PRR5: variants seen among roughly 807,000 people sequenced by gnomAD.
PRR5 encodes the protein proline rich 5, also known as proline-rich protein 5.
PRR5 carries 25 observed loss-of-function variants against 30.6 expected under a neutral mutation model. The observed-to-expected ratio is 0.82, with a 90% CI of 0.60 to 1.14. The LOEUF (loss-of-function observed/expected upper bound fraction) is 1.14. Ranked by LOEUF, PRR5 falls within the 50% of genes most tolerant of loss-of-function variation. The pLI is 0.00. For synonymous variants in PRR5, 286 were observed against 247.1 expected, an observed-to-expected ratio of 1.16 and a Z score of -1.48; for missense variants, 600 against 547.1, an observed-to-expected ratio of 1.10 and a Z score of -0.96.
chr22:44,703,555 T>G (rs1341873235), intron 1 of PRR5, among the ~76,000 whole-genome samples: 2 of 152,196 alleles, frequency 1.3e-5, no homozygotes, highest in African/African-American at 4.8e-5. Flanking sequence ...TGGTCTCTTC[T>G]GTCTCTGAGT....
chr22:44,689,444 C>G (rs572468302), intron 1 of PRR5, among the ~76,000 whole-genome samples: 42 of 152,358 alleles, frequency 2.8e-4, no homozygotes, highest in African/African-American at 9.4e-4. Context: ...GTGGGAACCA[C>G]AGCTACGAGA....
At chr22:44,736,650 C>T (rs1450300930) in intron 7 of PRR5, 122 bp from the exon 8 acceptor site, 18 of 1,448,446 alleles carry the variant, frequency 1.2e-5, no homozygotes, top group South Asian at 4.7e-5. Context: ...AGCCGGGCCC[C>T]GGGTCGGGCC....
chr22:44,684,488 A>C (rs1366223063), intron 1 of PRR5, among the ~76,000 whole-genome samples: 2 of 152,194 alleles, frequency 1.3e-5, no homozygotes. Context: ...TGGAGGTTGC[A>C]GTGAGCCGAG....
chr22:44,710,624 G>T (rs1384214343), intron 1 of PRR5, among the ~76,000 whole-genome samples: 2 of 150,666 alleles, frequency 1.3e-5, no homozygotes, highest in Admixed American at 6.8e-5. Context: ...TGAGTGGCCC[G>T]CAGCGAGGCT....
At chr22:44,710,035 C>CT (rs1022758610) in intron 1 of PRR5, among the ~76,000 whole-genome samples, 1 of 152,204 alleles carries the variant, frequency 6.6e-6, no homozygotes, top group African/African-American at 2.4e-5. Context: ...CCGCCCCTCC[C>CT]AACCCGGCCT....
At position 44,693,224 on chromosome 22, in the gene PRR5, G is replaced by A. The variant is rs180965975; in HGVS notation, c.-10-9268G>A. ...AAAGTCTGAAATCAAGGTGTCCTGG[G>A]AGGCCAAGGTGGTTGGGTTGCTTGA... On this transcript the variant is annotated intron_variant, in intron 1 of 8. Transcript: ENST00000006251. Among the ~76,000 whole-genome samples the A allele has an allele frequency of 3.4e-3, 513 of 152,248 alleles. 3 individuals are homozygous for A. The highest frequency in any genetic ancestry group is 3.4e-3 in the Middle Eastern group (1 of 294).
intron 1 of PRR5, among the ~76,000 whole-genome samples, chr22:44,682,616 G>A (rs9626518): frequency 0.09 from 13,680 of 152,198 alleles, 768 homozygotes; most frequent in East Asian, 0.27. Flanking sequence ...ATTTGAATCC[G>A]GCACTTAGCT....
At chr22:44,710,292 C>A (rs938347576) in intron 1 of PRR5, among the ~76,000 whole-genome samples, 5 of 148,406 alleles carry the variant, frequency 3.4e-5, no homozygotes, top group African/African-American at 5.0e-5. Flanking sequence ...TGCACCCCCC[C>A]CCCAGCGCTC....
intron 5 of PRR5, 132 bp from the exon 6 acceptor site, chr22:44,732,119 T>G (rs550106416): frequency 9.9e-6 from 14 of 1,419,366 alleles, no homozygotes; most frequent in Non-Finnish European, 1.3e-5. Context: ...GACGGGGTCA[T>G]CTGAGGAGAA....
At chr22:44,696,881 T>C (rs1925803204) in intron 1 of PRR5, among the ~76,000 whole-genome samples, 1 of 151,998 alleles carries the variant, frequency 6.6e-6, no homozygotes, top group African/African-American at 2.4e-5. Context: ...GGACTACAGG[T>C]GTGCACCACC....
chr22:44,736,678 T>C (rs574764874), intron 7 of PRR5, 94 bp from the exon 8 acceptor site: 2 of 1,480,648 alleles, frequency 1.4e-6, no homozygotes, highest in East Asian at 4.6e-5. Flanking sequence ...CAGCTGCCCC[T>C]GCACAGGGAC....
At chr22:44,712,368 C>T (rs1167579469) in intron 1 of PRR5, among the ~76,000 whole-genome samples, 3 of 152,200 alleles carry the variant, frequency 2.0e-5, no homozygotes, top group African/African-American at 7.2e-5. Context: ...TGGAACCTGG[C>T]ACAGCCCCCA....
At position 44,736,799 on chromosome 22, in the gene PRR5, C is replaced by G. The variant is rs1407400041; in HGVS notation, c.719C>G (p.Ser240Trp). 6.4e-7 allele frequency: 1 copy of G among 1,566,316 alleles called. No homozygotes were observed. Among genetic ancestry groups the G allele is most frequent in the Admixed American group, 1.8e-5 (1 of 56,202 alleles). Reference sequence around the variant, plus strand: ...AAGCGCCTCCTCCGCCGCTCCCGCTCGGGGGACGTGCTGGCCAAGAACCCT... The same window carrying G: ...AAGCGCCTCCTCCGCCGCTCCCGCTGGGGGGACGTGCTGGCCAAGAACCCT... The part of the protein sequence containing the change: ...LEKRLLRRSR[S>W]GDVLAKNPVV... The change falls in exon 8 of 8, where the codon TCG (serine) becomes TGG (tryptophan). Residue 240 changes from serine (S) to tryptophan (W), a missense_variant. Ser to Trp is a radical substitution (Grantham distance 177, BLOSUM62 -3). Transcript: ENST00000336985.
At chr22:44,670,718 G>A (rs1472349893) in intron 1 of PRR5, among the ~76,000 whole-genome samples, 1 of 152,204 alleles carries the variant, frequency 6.6e-6, no homozygotes, top group African/African-American at 2.4e-5. Flanking sequence ...CTAAGGGATG[G>A]CTTAAAAGGC....
chr22:44,736,851 G>A lies in PRR5; in HGVS notation c.771G>A (p.Thr257=), dbSNP rs145508795. The A allele has an allele frequency of 1.4e-4, 222 of 1,605,966 alleles. 1 individual carries two copies. Among genetic ancestry groups the A allele is most frequent in the Middle Eastern group, 1.0e-3 (6 of 5,860 alleles). The change falls in exon 8 of 8, where the codon ACG becomes ACA. Residue 257 remains threonine, a synonymous_variant. Transcript: ENST00000336985. The part of the protein sequence containing the change: ...NPVVRSKSYN[T]PLLNPVQEHE... ...TGGTGCGCTCCAAGAGCTACAACAC[G>A]CCTCTGCTGAACCCCGTGCAGGAGC...
upstream of PRR5, among the ~76,000 whole-genome samples, chr22:44,697,344 CTG>C (rs1186189624): frequency 3.9e-5 from 6 of 152,130 alleles, no homozygotes; most frequent in African/African-American, 1.4e-4. Context: ...GCCCCTGTGA[CTG>C]TGTGTGGATT....
At chr22:44,686,583 C>T (rs969047672) in intron 1 of PRR5, among the ~76,000 whole-genome samples, 2 of 151,984 alleles carry the variant, frequency 1.3e-5, no homozygotes, top group East Asian at 3.9e-4. Context: ...TCGATCTTGG[C>T]TCACTCACTG....
intron 6 of PRR5, 149 bp from the exon 7 acceptor site, chr22:44,734,877 TG>T: frequency 2.7e-6 from 3 of 1,123,720 alleles, no homozygotes; most frequent in Non-Finnish European, 3.8e-6. Flanking sequence ...GAGGCCACCG[TG>T]GGCCCTGCCA....
chr22:44,700,269 G>C (rs760176734), upstream of PRR5, among the ~76,000 whole-genome samples: 14 of 152,270 alleles, frequency 9.2e-5, no homozygotes, highest in Middle Eastern at 3.4e-3. Context: ...TTTAAGACCA[G>C]CCTGGCCAAC....
Sources: allele counts gnomAD v4.1 joint callset (sites outside exome capture counted in the v4.1 genomes callset), GRCh38; gene constraint gnomAD v4.1.1; transcripts MANE v1.5; gene names NCBI Gene and HGNC (gene_info 2026-07-23, HGNC 2026-07-21).